Variants in CCDC34 observed in about 807,000 individuals in gnomAD.
CCDC34 encodes coiled-coil domain-containing protein 34.
CCDC34 carries 40 observed loss-of-function variants against 44.1 expected under a neutral mutation model. That is an observed-to-expected ratio of 0.91 (90% CI 0.70 to 1.18). CCDC34 has a LOEUF of 1.18. Ranked by LOEUF, CCDC34 falls within the 50% of genes most tolerant of loss-of-function variation. CCDC34 has a pLI of 0.00. For synonymous variants in CCDC34, 159 were observed against 158.2 expected, an observed-to-expected ratio of 1.01 and a Z score of -0.04; for missense variants, 466 against 452.3, an observed-to-expected ratio of 1.03 and a Z score of -0.28.
At chr11:27,345,467 G>A (rs528014192) in intron 3 of CCDC34, among the ~76,000 whole-genome samples, 8 of 152,198 alleles carry the variant, frequency 5.3e-5, no homozygotes, top group Admixed American at 5.2e-4. Flanking sequence ...CCCGGTGTGT[G>A]ATGTTCCCCT....
At chr11:27,349,881 G>A (rs2133344060) in intron 3 of CCDC34, 1 of 997,518 alleles carries the variant, frequency 1.0e-6, no homozygotes, top group Non-Finnish European at 1.2e-6. Context: ...CACAAACAGG[G>A]GAGTAGTAAT....
chr11:27,357,394 T>G lies in CCDC34; in HGVS notation c.498+9A>C. On this transcript the variant is annotated intron_variant, in intron 2 of 5. Transcript: ENST00000328697. Reference sequence around the variant, plus strand: ...CAGATTAAATAAAAAGAACACTGTCTAGTTTTACCTCTAGAGCTTTCAGTT... The same window carrying G: ...CAGATTAAATAAAAAGAACACTGTCGAGTTTTACCTCTAGAGCTTTCAGTT... The G allele has an allele frequency of 1.9e-6, 3 of 1,610,730 alleles. No individual in the cohort carries two copies. The highest frequency in any genetic ancestry group is 2.5e-6 in the Non-Finnish European group (3 of 1,178,308).
intron 5 of CCDC34, 33 bp from the exon 6 acceptor site, chr11:27,339,068 GA>G: frequency 6.6e-7 from 1 of 1,518,264 alleles, no homozygotes; most frequent in Admixed American, 2.1e-5. Flanking sequence ...TCAAAACAAG[GA>G]AAAACTTTCT....
chr11:27,340,002 C>G (rs1295135556), intron 5 of CCDC34, among the ~76,000 whole-genome samples: 1 of 150,988 alleles, frequency 6.6e-6, no homozygotes, highest in East Asian at 2.0e-4. Context: ...ATGAGAGAGG[C>G]CTAATCCTGA....
intron 1 of CCDC34, among the ~76,000 whole-genome samples, chr11:27,357,973 A>G (rs1440515480): frequency 1.3e-5 from 2 of 152,240 alleles, no homozygotes; most frequent in Non-Finnish European, 2.9e-5. Flanking sequence ...AGTGCACACA[A>G]AGAGAATAAT....
chr11:27,342,946 A>G (rs892862250), intron 3 of CCDC34, among the ~76,000 whole-genome samples: 9 of 152,362 alleles, frequency 5.9e-5, no homozygotes, highest in East Asian at 1.9e-4. Context: ...AATGCCATAC[A>G]TATCACCCAG....
chr11:27,345,829 TTTCTGG>T lies in CCDC34; in HGVS notation c.607-4285_607-4280del, dbSNP rs1438484057. Among the ~76,000 whole-genome samples, 15 of 152,276 alleles carry T rather than the reference TTTCTGG, an allele frequency of 9.9e-5. No homozygotes were observed. The East Asian group carries it at 2.9e-3, about 29-fold the overall frequency. ...AATGGGATGGCTGGGTCAAATGGTA[TTTCTGG>T]TTCTAGATCCCTGAGGAATTGCCAC... is the stretch of plus-strand genomic sequence containing the variant. On this transcript the variant is annotated intron_variant, in intron 3 of 5. Transcript: ENST00000328697.
chr11:27,345,529 T>C (rs1190994530), intron 3 of CCDC34, among the ~76,000 whole-genome samples: 1 of 152,156 alleles, frequency 6.6e-6, no homozygotes, highest in Non-Finnish European at 1.5e-5. Context: ...AGTGAGAACA[T>C]GCGATGTTTG....
chr11:27,339,583 G>A (rs1862324715), intron 5 of CCDC34, among the ~76,000 whole-genome samples: 1 of 152,130 alleles, frequency 6.6e-6, no homozygotes, highest in Non-Finnish European at 1.5e-5. Flanking sequence ...TGTATATGAA[G>A]TGTTTAAAGT....
rs1164656262 is a variant in CCDC34 at position 27,347,549 on chromosome 11, A to C, written c.606+2783T>G. ...TATTCTATGAAATGTATTTCATAGA[A>C]TACTATAGTCAGCAATAAAAAGGAA... On this transcript the variant is annotated intron_variant, in intron 3 of 5. Coordinates refer to ENST00000328697, the MANE Select transcript of CCDC34 (RefSeq NM_030771.2). Among the ~76,000 whole-genome samples, 4 of 152,226 alleles carry C rather than the reference A, an allele frequency of 2.6e-5. No individual in the cohort carries two copies. In the East Asian group the frequency reaches 7.7e-4, roughly 29 times the overall value.
intron 1 of CCDC34, 51 bp downstream of exon 1, chr11:27,362,785 G>GTC (rs1862686169): frequency 1.3e-6 from 2 of 1,582,624 alleles, no homozygotes; most frequent in East Asian, 4.5e-5. Context: ...ACTTAAGAGG[G>GTC]TCTAAGGAAT....
At chr11:27,339,105 T>C in intron 5 of CCDC34, 70 bp from the exon 6 acceptor site, 1 of 1,147,038 alleles carries the variant, frequency 8.7e-7, no homozygotes, top group Non-Finnish European at 1.3e-6. Flanking sequence ...CACTTAAAAC[T>C]TCTAGAAAAA....
chr11:27,344,512 C>T (rs1325906941), intron 3 of CCDC34, among the ~76,000 whole-genome samples: 2 of 151,452 alleles, frequency 1.3e-5, no homozygotes, highest in Non-Finnish European at 2.9e-5. Flanking sequence ...TACATATATG[C>T]TATAAACCTG....
chr11:27,340,615 CATTTCT>C lies in CCDC34; in HGVS notation c.907+75_907+80del. The C allele has an allele frequency of 4.6e-6, 6 of 1,313,806 alleles. No homozygotes were observed. The South Asian group carries it at 8.8e-5, about 19-fold the overall frequency. The allele number at this position is 1,313,806 out of a possible 1,614,324, so 81.4% of individuals were successfully genotyped here. A position where few individuals can be genotyped will look rare whatever the true frequency, so the allele number is the denominator to read the frequency against. On this transcript the variant is annotated intron_variant, in intron 5 of 5. Coordinates refer to ENST00000328697, the MANE Select transcript of CCDC34 (RefSeq NM_030771.2). ...ATTTGAAAGAAAAATAATTTTTACA[CATTTCT>C]ATTTCTGTCAAAAGGAGTATAATAT...
intron 3 of CCDC34, among the ~76,000 whole-genome samples, chr11:27,343,212 C>T (rs1862385875): frequency 6.6e-6 from 1 of 152,050 alleles, no homozygotes; most frequent in Admixed American, 6.6e-5. Context: ...ACCAGGCTGG[C>T]CAACGTGGTG....
chr11:27,359,576 C>T (rs1482422891), intron 1 of CCDC34, among the ~76,000 whole-genome samples: 1 of 152,016 alleles, frequency 6.6e-6, no homozygotes, highest in Non-Finnish European at 1.5e-5. Context: ...GCAAGCTCCG[C>T]CTCCCTGGTT....
intron 3 of CCDC34, among the ~76,000 whole-genome samples, chr11:27,342,774 AT>A (rs1430396664): frequency 6.6e-6 from 1 of 152,230 alleles, no homozygotes; most frequent in African/African-American, 2.4e-5. Context: ...AGAAAAAAAA[AT>A]ATTGATCCTT....
chr11:27,347,315 A>T (rs1046900571), intron 3 of CCDC34, among the ~76,000 whole-genome samples: 1 of 152,320 alleles, frequency 6.6e-6, no homozygotes, highest in African/African-American at 2.4e-5. Context: ...AATTTCTTAT[A>T]AAGTTAAACA....
In CCDC34 at chr11:27,362,866, A is replaced by C. The variant is rs1330014091; in HGVS notation, c.329T>G (p.Leu110Arg). Reference protein sequence around the residue: ...AHDSEAKVASLRGMELQGCAS... With the variant: ...AHDSEAKVASRRGMELQGCAS... ...GCACCCCTGTAACTCCATTCCTCTC[A>C]GGCTCGCCACTTTGGCCTCTGAATC... The change falls in exon 1 of 6, where the codon CTG becomes CGG. Residue 110 changes from leucine to arginine, a missense_variant. Transcript: ENST00000328697. 6.2e-7 allele frequency: 1 copy of C among 1,614,112 alleles called. No individual in the cohort carries two copies. The highest frequency in any genetic ancestry group is 1.7e-5 in the Admixed American group (1 of 60,024).
Sources: allele counts gnomAD v4.1 joint callset (sites outside exome capture counted in the v4.1 genomes callset), GRCh38; gene constraint gnomAD v4.1.1; transcripts MANE v1.5; gene names NCBI Gene and HGNC (gene_info 2026-07-23, HGNC 2026-07-21).